CDH12: variants seen among roughly 807,000 people sequenced by gnomAD.
CDH12 encodes cadherin 12.
A neutral mutation model predicts 74.1 loss-of-function variants in CDH12; 41 were observed. That is an observed-to-expected ratio of 0.55 (90% confidence interval 0.43 to 0.72). The LOEUF (loss-of-function observed/expected upper bound fraction) is 0.72, where lower values mean the gene tolerates loss of function less well. CDH12 is among the 30% of genes least tolerant of loss of function. The pLI is 0.00. For synonymous variants in CDH12, 399 were observed against 355.0 expected (o/e 1.12, Z -1.39); for missense variants, 945 against 977.2 (o/e 0.97, Z 0.44).
At chr5:22,698,472 C>A (rs1320349209) in intron 1 of CDH12, among the ~76,000 whole-genome samples, 1 of 151,150 alleles carries the variant, frequency 6.6e-6, no homozygotes, top group Non-Finnish European at 1.5e-5. Flanking sequence ...TATAGAATCC[C>A]AGACTCACTT....
intron 3 of CDH12, among the ~76,000 whole-genome samples, chr5:22,380,538 CAA>C (rs10709369): frequency 4.6e-4 from 70 of 150,702 alleles, no homozygotes; most frequent in South Asian, 3.6e-3. Flanking sequence ...ATAACAAATA[CAA>C]AAAAAAAACT....
At position 22,448,106 on chromosome 5, in the gene CDH12, T is replaced by A. The variant is rs1333689825; in HGVS notation, c.-427-42755A>T. On this transcript the variant is annotated intron_variant, in intron 2 of 14. Transcript: ENST00000382254. ...AGGCGAAGGTTGCAGTGAGCTATGA[T>A]CACATCATACCACTGCACTCCAGCC... is the stretch of plus-strand genomic sequence containing the variant. 2.0e-5 allele frequency among the ~76,000 whole-genome samples: 3 copies of A among 148,178 alleles called. No homozygotes were observed. In the East Asian group the frequency reaches 6.0e-4, roughly 30 times the overall value.
chr5:22,834,937 G>A (rs1736759621), intron 1 of CDH12, among the ~76,000 whole-genome samples: 2 of 152,210 alleles, frequency 1.3e-5, no homozygotes, highest in South Asian at 2.1e-4. Context: ...GAGATCAAAA[G>A]AGGGGGAGAT....
intron 1 of CDH12, among the ~76,000 whole-genome samples, chr5:22,722,900 T>C (rs1743971926): frequency 6.6e-6 from 1 of 152,216 alleles, no homozygotes; most frequent in Admixed American, 6.5e-5. Context: ...TGTGTAATTC[T>C]GCTGTTCCTA....
intron 1 of CDH12, among the ~76,000 whole-genome samples, chr5:22,623,143 T>A (rs1283694604): frequency 6.6e-6 from 1 of 152,168 alleles, no homozygotes; most frequent in Non-Finnish European, 1.5e-5. Context: ...AAACTCTCAA[T>A]AAATTAGGTA....
intron 1 of CDH12, among the ~76,000 whole-genome samples, chr5:22,774,078 C>T (rs755386457): frequency 6.6e-6 from 1 of 152,062 alleles, no homozygotes; most frequent in African/African-American, 2.4e-5. Flanking sequence ...GGAGATTTCT[C>T]AAGGAGTTTG....
chr5:22,348,639 G>T (rs151189126), intron 3 of CDH12, among the ~76,000 whole-genome samples: 60 of 152,208 alleles, frequency 3.9e-4, no homozygotes, highest in Admixed American at 6.5e-4. Flanking sequence ...CATTACTCTG[G>T]GACTTGCTGG....
At chr5:22,489,672 A>G (rs1362061571) in intron 2 of CDH12, among the ~76,000 whole-genome samples, 1 of 145,506 alleles carries the variant, frequency 6.9e-6, no homozygotes, top group Non-Finnish European at 1.5e-5. Context: ...CTGCTTTGTG[A>G]TGCCTTGTGC....
At chr5:22,808,762 GTTT>G (rs70959757) in intron 1 of CDH12, among the ~76,000 whole-genome samples, 4 of 41,728 alleles carry the variant, frequency 9.6e-5, no homozygotes, top group African/African-American at 7.3e-5. Flanking sequence ...ACCACACCTG[GTTT>G]TTTTTTTTTT....
chr5:22,404,863 A>G (rs1356201260), intron 3 of CDH12, among the ~76,000 whole-genome samples: 2 of 152,200 alleles, frequency 1.3e-5, no homozygotes, highest in African/African-American at 2.4e-5. Context: ...GAATTTATCT[A>G]TGAGGAATAT....
chr5:22,269,370 T>A (rs1289028630), intron 3 of CDH12, among the ~76,000 whole-genome samples: 1 of 152,102 alleles, frequency 6.6e-6, no homozygotes, highest in Non-Finnish European at 1.5e-5. Flanking sequence ...CTATTCACGT[T>A]TTTATGCTAT....
At chr5:22,231,505 TA>T (rs1190716158) in intron 3 of CDH12, among the ~76,000 whole-genome samples, 1 of 151,852 alleles carries the variant, frequency 6.6e-6, no homozygotes, top group East Asian at 1.9e-4. Context: ...AAGTAGCAAG[TA>T]AAAAAAATGC....
chr5:22,269,871 G>C (rs1736305124), intron 3 of CDH12, among the ~76,000 whole-genome samples: 1 of 151,994 alleles, frequency 6.6e-6, no homozygotes, highest in African/African-American at 2.4e-5. Context: ...ACAAGCTTGG[G>C]GCCCATTTTA....
In CDH12 at chr5:21,755,858, T is replaced by G. The variant is rs768418030; in HGVS notation, c.1634-16A>C. 1 of 1,613,220 alleles carries G rather than the reference T, an allele frequency of 6.2e-7. No homozygotes were observed. The highest frequency in any genetic ancestry group is 8.5e-7 in the Non-Finnish European group (1 of 1,179,298). On this transcript the variant is annotated splice_polypyrimidine_tract_variant and intron_variant, in intron 13 of 14. Coordinates refer to ENST00000382254, the MANE Select transcript of CDH12 (RefSeq NM_004061.5). ...GCTGTGTTGTCTACAAAACATGACA[T>G]TTATGGTAACATGGTTACTATAAGC...
chr5:22,013,556 C>A (rs890645165), intron 5 of CDH12, among the ~76,000 whole-genome samples: 5 of 152,110 alleles, frequency 3.3e-5, no homozygotes, highest in African/African-American at 1.2e-4. Context: ...AATATCTATG[C>A]AATTTTCATG....
intron 3 of CDH12, among the ~76,000 whole-genome samples, chr5:22,310,377 G>A (rs1006343549): frequency 2.0e-5 from 3 of 151,456 alleles, no homozygotes; most frequent in Non-Finnish European, 2.9e-5. Context: ...AAGGAGAATC[G>A]CTGGAACCCA....
chr5:22,247,470 T>C (rs1431790473), intron 3 of CDH12, among the ~76,000 whole-genome samples: 1 of 151,932 alleles, frequency 6.6e-6, no homozygotes, highest in Non-Finnish European at 1.5e-5. Flanking sequence ...AGGTCAGGAG[T>C]TCGAGACCAG....
chr5:21,772,687 T>C (rs972763105), intron 11 of CDH12, among the ~76,000 whole-genome samples: 1 of 152,198 alleles, frequency 6.6e-6, no homozygotes, highest in Non-Finnish European at 1.5e-5. Context: ...CAATATGATA[T>C]AGTATATGAT....
intron 2 of CDH12, among the ~76,000 whole-genome samples, chr5:22,421,433 C>T (rs1261382): frequency 0.9 from 136,533 of 152,210 alleles, 61,291 homozygotes; most frequent in East Asian, 0.94. Context: ...TGAGAACATG[C>T]GGTGTTTGGT....
Sources: gnomAD v4.1 joint callset for allele counts (sites outside exome capture counted in the v4.1 genomes callset) on GRCh38, gnomAD v4.1.1 for gene constraint, MANE v1.5 for transcripts, NCBI Gene and HGNC (gene_info 2026-07-23, HGNC 2026-07-21) for gene names.